The following DST variants were observed in gnomAD, a reference collection of about 807,000 sequenced individuals.
DST encodes the protein bullous pemphigoid antigen.
Under a neutral mutation model 875.2 loss-of-function variants are expected in DST, and 253 were observed. The ratio of observed to expected loss-of-function variants is 0.29; its 90% confidence interval spans 0.26 to 0.32. The LOEUF (loss-of-function observed/expected upper bound fraction) is 0.32. DST is among the 10% of genes least tolerant of loss of function. The probability of loss-of-function intolerance (pLI) is 1.00; values close to 1 mark genes in which losing one functional copy is unlikely to be tolerated. For missense variants in DST, 8,287 were observed against 9,111.6 expected (o/e 0.91, Z 3.68); for synonymous variants, 3,124 against 3,197.1 (o/e 0.98, Z 0.77).
intron 2 of DST, among the ~76,000 whole-genome samples, chr6:56,910,344 A>C (rs1798309923): frequency 6.6e-6 from 1 of 152,132 alleles, no homozygotes; most frequent in Admixed American, 6.6e-5. Flanking sequence ...TATTTTAAAG[A>C]GACAAGGTCT....
intron 101 of DST, 78 bp from the exon 102 acceptor site, chr6:56,463,234 CAA>C: frequency 1.2e-6 from 1 of 801,938 alleles, no homozygotes; most frequent in Non-Finnish European, 2.1e-6. Context: ...ATATTCATAG[CAA>C]AGAGTCACAT....
intron 58 of DST, 23 bp from the exon 59 acceptor site, chr6:56,557,541 G>A (rs2097446318): frequency 6.4e-7 from 1 of 1,568,180 alleles, no homozygotes. Flanking sequence ...AAATGAAACT[G>A]GTGTTTGACA....
Position 56,562,149 on chromosome 6 carries a change from C to CA in DST, c.14056dup (p.Trp4686LeufsTer4). ...AAATTAATACTCACCTTTATTTGCC[C>CA]AAAATTCCTCAGTATTTGTGGCTGT... On this transcript the variant is annotated frameshift_variant, in exon 56 of 104. Transcript: ENST00000680361. LOFTEE classifies it high-confidence loss of function. 6.5e-7 allele frequency: 1 copy of CA among 1,548,726 alleles called. No homozygotes were observed. Among genetic ancestry groups the CA allele is most frequent in the Non-Finnish European group, 8.7e-7 (1 of 1,145,252 alleles).
intron 74 of DST, 57 bp from the exon 75 acceptor site, chr6:56,508,812 G>T: frequency 7.3e-7 from 1 of 1,377,426 alleles, no homozygotes; most frequent in Non-Finnish European, 1.0e-6. Context: ...AACCAACAAA[G>T]CAGAATGTTA....
rs1371024887 is a variant in DST at position 56,639,265 on chromosome 6, A to G, written c.2958T>C (p.Thr986=). Residue 986 remains threonine, a synonymous_variant, in exon 22 of 104, where the codon ACT becomes ACC. Transcript: ENST00000680361. The part of the protein sequence containing the change: ...LLLENHPARL[T]IEAYRAAMQT... ...TTACACTTTCCAGCTTTACCTCAAT[A>G]GTTAACCGGGCTGGATGATTTTCTA... 3 of 1,611,292 alleles carry G rather than the reference A, an allele frequency of 1.9e-6. No homozygotes were observed. In the South Asian group the frequency reaches 3.3e-5, roughly 18 times the overall value.
At chr6:56,490,473 A>G (rs2095699959) in intron 85 of DST, among the ~76,000 whole-genome samples, 1 of 152,212 alleles carries the variant, frequency 6.6e-6, no homozygotes, top group Non-Finnish European at 1.5e-5. Flanking sequence ...AAAGCACATG[A>G]ATAATGAAAT....
At chr6:56,574,254 C>T (rs2152620065) in intron 50 of DST, among the ~76,000 whole-genome samples, 1 of 152,178 alleles carries the variant, frequency 6.6e-6, no homozygotes, top group African/African-American at 2.4e-5. Context: ...TCACATTAGC[C>T]ATACTTATTG....
intron 4 of DST, among the ~76,000 whole-genome samples, chr6:56,817,088 A>AC (rs2099767400): frequency 6.7e-6 from 1 of 149,250 alleles, no homozygotes; most frequent in African/African-American, 2.5e-5. Context: ...AAGCCACTTA[A>AC]ACACACACAC....
Position 56,774,980 on chromosome 6 carries a change from G to C in DST, c.626-39691C>G, listed in dbSNP as rs543363126. ...GCACTCCAGCCTGGGCAACAAGAGCGAAACTCCATCTCAAAAAAAAAAAAA... is the reference window on the plus strand; with the variant it reads ...GCACTCCAGCCTGGGCAACAAGAGCCAAACTCCATCTCAAAAAAAAAAAAA... On this transcript the variant is annotated intron_variant, in intron 4 of 103. Transcript: ENST00000680361. Among the ~76,000 whole-genome samples, 148 of 111,528 alleles carry C rather than the reference G, an allele frequency of 1.3e-3. 1 individual carries two copies. The highest frequency in any genetic ancestry group is 5.1e-3 in the African/African-American group (145 of 28,534). The allele number at this position is 111,528 out of a possible 152,430, so 73.2% of individuals were successfully genotyped here.
Position 56,603,021 on chromosome 6 carries a change from G to T in DST, c.11168C>A (p.Ala3723Glu), listed in dbSNP as rs1161316030. ...ATGCAGAAATTCTTCATGGGAAACT[G>T]CTAGTTTAGACTAGAAAAAAAAATT... ...LAIDSEMSKL[A>E]VSHEEFLHKL... Residue 3723 changes from alanine (A) to glutamate (E), a missense_variant, in exon 43 of 104, where the codon GCA becomes GAA. Ala to Glu is a moderately radical substitution (Grantham distance 107). Transcript: ENST00000680361. 3.8e-6 allele frequency: 6 copies of T among 1,573,566 alleles called. No individual in the cohort carries two copies. In the East Asian group the frequency reaches 1.3e-4, roughly 35 times the overall value.
At chr6:56,934,551 T>C (rs942886162) in intron 2 of DST, among the ~76,000 whole-genome samples, 3 of 105,980 alleles carry the variant, frequency 2.8e-5, no homozygotes, top group East Asian at 4.9e-4. Flanking sequence ...ATACATATTA[T>C]ATATTATATT....
intron 54 of DST, 132 bp downstream of exon 54, chr6:56,569,724 G>T: frequency 3.1e-6 from 2 of 643,208 alleles, no homozygotes; most frequent in Non-Finnish European, 4.7e-6. Flanking sequence ...ATTTCCAAAG[G>T]TCAACAAAAT....
intron 12 of DST, among the ~76,000 whole-genome samples, chr6:56,650,587 A>G (rs964521366): frequency 1.3e-5 from 2 of 152,246 alleles, no homozygotes; most frequent in African/African-American, 4.8e-5. Context: ...TATTCTATAC[A>G]TACAAAAGAA....
chr6:56,725,468 C>G (rs139135241), intron 5 of DST, among the ~76,000 whole-genome samples: 2 of 152,174 alleles, frequency 1.3e-5, no homozygotes, highest in Non-Finnish European at 2.9e-5. Flanking sequence ...ACCAGCTGCT[C>G]TGGGAGTCCA....
intron 4 of DST, among the ~76,000 whole-genome samples, chr6:56,765,308 C>T (rs1252099007): frequency 6.6e-6 from 1 of 152,060 alleles, no homozygotes; most frequent in Non-Finnish European, 1.5e-5. Flanking sequence ...ATCATTTGCC[C>T]CCAATTTTAT....
rs1383243392 is a variant in DST at position 56,938,108 on chromosome 6, C to CTCTCTCTCTCTATA, written c.216+15676_216+15677insTATAGAGAGAGAGA. 3.9e-3 allele frequency among the ~76,000 whole-genome samples: 473 copies of CTCTCTCTCTCTATA among 120,696 alleles called. 1 individual carries two copies. The highest frequency in any genetic ancestry group is 0.016 in the African/African-American group (448 of 28,574). 79.2% of individuals were successfully genotyped at this position (120,696 alleles called of 152,430 possible). On this transcript the variant is annotated intron_variant, in intron 2 of 103. Transcript: ENST00000680361. ...TCTCTCTCTCTCTCTCTCTCTCTCTCTATATATATATATATATATATATGT... is the reference window on the plus strand; with the variant it reads ...TCTCTCTCTCTCTCTCTCTCTCTCTCTCTCTCTCTCTATATATATATATATATATATATATATGT...
intron 78 of DST, among the ~76,000 whole-genome samples, chr6:56,502,529 G>A (rs1340294188): frequency 1.3e-5 from 2 of 152,036 alleles, no homozygotes; most frequent in Non-Finnish European, 2.9e-5. Flanking sequence ...AGTAAGACCA[G>A]TAAGACCACT....
chr6:56,684,654 TAGAAA>T (rs1288444642), intron 9 of DST, among the ~76,000 whole-genome samples: 1 of 152,192 alleles, frequency 6.6e-6, no homozygotes, highest in African/African-American at 2.4e-5. Flanking sequence ...CCTTCATGTT[TAGAAA>T]AGAAATCTAT....
intron 4 of DST, among the ~76,000 whole-genome samples, chr6:56,757,404 A>G (rs2099606745): frequency 6.6e-6 from 1 of 152,208 alleles, no homozygotes; most frequent in East Asian, 1.9e-4. Context: ...TTTATGGTGC[A>G]ATATACAGTG....
Sources: allele counts gnomAD v4.1 joint callset (sites outside exome capture counted in the v4.1 genomes callset), GRCh38; gene constraint gnomAD v4.1.1; transcripts MANE v1.5; gene names NCBI Gene and HGNC (gene_info 2026-07-23, HGNC 2026-07-21).